Variants in ANTXR1 observed in about 807,000 individuals in gnomAD.
ANTXR1 encodes the protein anthrax toxin receptor 1.
ANTXR1 carries 19 observed loss-of-function variants against 78.1 expected under a neutral mutation model. That is an observed-to-expected ratio of 0.24 (90% CI 0.17 to 0.36). The LOEUF is 0.36. Among genes scored for constraint, ANTXR1 ranks in the 10% least tolerant of loss-of-function variants. ANTXR1 has a pLI of 1.00. For synonymous variants in ANTXR1, 273 were observed against 260.5 expected (o/e 1.05, Z -0.46); for missense variants, 518 against 718.6 (o/e 0.72, Z 3.19).
chr2:69,197,560 C>T (rs540206106), intron 17 of ANTXR1, among the ~76,000 whole-genome samples: 4 of 152,294 alleles, frequency 2.6e-5, no homozygotes, highest in African/African-American at 7.2e-5. Context: ...TCCTCTCTAC[C>T]GAGTGAACCT....
intron 17 of ANTXR1, among the ~76,000 whole-genome samples, chr2:69,205,631 A>AC (rs1674881115): frequency 6.8e-6 from 1 of 148,134 alleles, no homozygotes; most frequent in African/African-American, 2.5e-5. Flanking sequence ...AGCACTGAGG[A>AC]CCTAGCTCAA....
intron 5 of ANTXR1, among the ~76,000 whole-genome samples, 195 bp from the exon 6 acceptor site, chr2:69,072,827 T>C (rs911304230): frequency 6.6e-6 from 1 of 152,252 alleles, no homozygotes; most frequent in African/African-American, 2.4e-5. Context: ...GCAAAACCTA[T>C]TCCCCCTAAA....
chr2:69,043,640 T>C (rs891965398), intron 2 of ANTXR1, among the ~76,000 whole-genome samples: 3 of 152,224 alleles, frequency 2.0e-5, no homozygotes, highest in Non-Finnish European at 4.4e-5. Context: ...TTTATTACCA[T>C]GTGGTAATAA....
In ANTXR1 at chr2:69,170,272, C is replaced by A. The variant is rs1468067247; in HGVS notation, c.1072C>A (p.Pro358Thr). 1.9e-6 allele frequency: 3 copies of A among 1,614,026 alleles called. No individual in the cohort carries two copies. The highest frequency in any genetic ancestry group is 1.1e-5 in the South Asian group (1 of 91,076). ...TVIIKEVPPP[P>T]AEESEEEDDD... ...GATTATCAAGGAGGTCCCTCCACCC[C>A]CTGCCGAGGAGAGTGAGGTAAGTGA... Residue 358 changes from proline to threonine, a missense_variant, in exon 14 of 18, where the codon CCT (proline) becomes ACT (threonine). By Grantham distance (38) the Pro-to-Thr change is conservative (BLOSUM62 -1). Around this residue, in one of 5 missense-constraint regions of ANTXR1, gnomAD observed 264 missense variants for 391.8 expected, o/e 0.67. Coordinates refer to ENST00000303714, the MANE Select transcript of ANTXR1 (RefSeq NM_032208.3).
chr2:69,196,748 A>G (rs2104480065), intron 17 of ANTXR1, among the ~76,000 whole-genome samples: 1 of 152,350 alleles, frequency 6.6e-6, no homozygotes, highest in East Asian at 1.9e-4. Flanking sequence ...CTTTAAAACA[A>G]AACAAAAACA....
rs540946164 is a variant in ANTXR1 at position 69,029,044 on chromosome 2, C to G, written c.153-11000C>G. ...CCAGCCTGGGCAACATGTTGAGACC[C>G]CCCCCCCTCCATCTCTACTAAAAAT... On this transcript the variant is annotated intron_variant, in intron 1 of 17. Transcript: ENST00000303714. 1.4e-3 allele frequency among the ~76,000 whole-genome samples: 213 copies of G among 147,848 alleles called. 1 individual carries two copies. The highest frequency in any genetic ancestry group is 1.0e-3 in the Non-Finnish European group (67 of 66,622).
At chr2:69,130,209 C>T (rs1672692946) in intron 12 of ANTXR1, among the ~76,000 whole-genome samples, 1 of 152,156 alleles carries the variant, frequency 6.6e-6, no homozygotes, top group Non-Finnish European at 1.5e-5. Flanking sequence ...TTGCTTTGTA[C>T]TGGCTGCTGG....
At chr2:69,173,337 G>C (rs1674040171) in intron 14 of ANTXR1, among the ~76,000 whole-genome samples, 1 of 152,188 alleles carries the variant, frequency 6.6e-6, no homozygotes, top group Non-Finnish European at 1.5e-5. Context: ...TGCCCCCAGT[G>C]CTTATAGCTG....
intron 15 of ANTXR1, 51 bp from the exon 16 acceptor site, chr2:69,182,442 G>C: frequency 6.2e-7 from 1 of 1,601,886 alleles, no homozygotes; most frequent in Non-Finnish European, 8.5e-7. Context: ...TCTCATTCTC[G>C]AGGGGCAGCA....
chr2:69,136,454 T>C (rs146382581), intron 12 of ANTXR1, among the ~76,000 whole-genome samples: 100 of 152,304 alleles, frequency 6.6e-4, no homozygotes, highest in African/African-American at 2.2e-3. Context: ...TAAAAAACAA[T>C]TGAAATCAAT....
intron 17 of ANTXR1, among the ~76,000 whole-genome samples, chr2:69,203,944 C>T (rs989260757): frequency 6.6e-6 from 1 of 152,056 alleles, no homozygotes; most frequent in Non-Finnish European, 1.5e-5. Flanking sequence ...ATAAAGCAAC[C>T]CTGTTCAAAT....
At chr2:69,229,084 G>A (rs1473126664) in intron 17 of ANTXR1, among the ~76,000 whole-genome samples, 1 of 151,970 alleles carries the variant, frequency 6.6e-6, no homozygotes, top group Non-Finnish European at 1.5e-5. Context: ...CCATCATGAG[G>A]GAGGCACCCT....
intron 1 of ANTXR1, among the ~76,000 whole-genome samples, chr2:69,014,075 GTTTTTGTTTTTGTT>G (rs1230007224): frequency 6.6e-6 from 1 of 152,178 alleles, no homozygotes; most frequent in Non-Finnish European, 1.5e-5. Flanking sequence ...GTCGCATTTT[GTTTTTGTTTTTGTT>G]TTTTTGTTTT....
chr2:69,210,872 G>T (rs1675023952), intron 17 of ANTXR1, among the ~76,000 whole-genome samples: 1 of 149,322 alleles, frequency 6.7e-6, no homozygotes, highest in Non-Finnish European at 1.5e-5. Context: ...GGAGGTGGAG[G>T]TTGCAGTGAG....
chr2:69,232,007 G>T (rs1225591953), intron 17 of ANTXR1, among the ~76,000 whole-genome samples: 1 of 152,160 alleles, frequency 6.6e-6, no homozygotes, highest in East Asian at 1.9e-4. Flanking sequence ...CAGGAAGCAA[G>T]AATTATTTGG....
intron 3 of ANTXR1, among the ~76,000 whole-genome samples, chr2:69,065,842 C>T (rs1431539112): frequency 6.6e-6 from 1 of 152,178 alleles, no homozygotes; most frequent in African/African-American, 2.4e-5. Context: ...ACACTGTTTT[C>T]TTATAGTCAA....
At position 69,248,802 on chromosome 2, in the gene ANTXR1, T is replaced by C. The variant is rs1676075055; in HGVS notation, c.*3317T>C. ...AAAAAAAAATTAATGCTGTGTAAAA[T>C]GGTTGAATTAGTTTGCAAACTATAT... On this transcript the variant is annotated 3_prime_UTR_variant, in exon 18 of 18. Transcript: ENST00000303714. The C allele has an allele frequency of 6.6e-6, 1 of 152,172 alleles. No homozygotes were observed. The highest frequency in any genetic ancestry group is 1.5e-5 in the Non-Finnish European group (1 of 68,026). The allele number at this position is 152,172 out of a possible 1,614,324, so 9.4% of individuals were successfully genotyped here.
intron 8 of ANTXR1, among the ~76,000 whole-genome samples, chr2:69,079,624 G>A (rs529441505): frequency 2.1e-4 from 32 of 152,260 alleles, no homozygotes; most frequent in Admixed American, 1.8e-3. Context: ...CATGAGCCTC[G>A]AAGGGGTTTT....
At chr2:69,123,143 C>T (rs1011868546) in intron 11 of ANTXR1, 57 bp downstream of exon 11, 12 of 1,552,276 alleles carry the variant, frequency 7.7e-6, no homozygotes, top group Middle Eastern at 1.7e-4. Flanking sequence ...AGGAGGTGTA[C>T]GGGGACAGGG....
Sources: gnomAD v4.1 joint callset for allele counts (sites outside exome capture counted in the v4.1 genomes callset) on GRCh38, gnomAD v4.1.1 for gene constraint, gnomAD v4.1.1 regional missense constraint, MANE v1.5 for transcripts, NCBI Gene and HGNC (gene_info 2026-07-23, HGNC 2026-07-21) for gene names.